MTSS1: variants seen among roughly 807,000 people sequenced by gnomAD.
MTSS1 encodes MTSS I-BAR domain containing 1, also known as protein MTSS 1.
In MTSS1, 18 loss-of-function variants were observed where a neutral mutation model predicts 79.0. The ratio of observed to expected loss-of-function variants is 0.23; its 90% CI spans 0.16 to 0.34. The LOEUF is 0.34. Ranked by LOEUF, MTSS1 falls within the 10% of genes least tolerant of loss-of-function variation. MTSS1 has a pLI of 1.00. For missense variants in MTSS1, 815 were observed against 986.2 expected, an observed-to-expected ratio of 0.83 and a Z score of 2.33; for synonymous variants, 341 against 368.6, an observed-to-expected ratio of 0.93 and a Z score of 0.86.
intron 3 of MTSS1, among the ~76,000 whole-genome samples, chr8:124,617,301 G>C (rs1837049277): frequency 6.6e-6 from 1 of 152,182 alleles, no homozygotes; most frequent in Non-Finnish European, 1.5e-5. Context: ...ATTTCTAGGA[G>C]ATCAAGGACC....
intron 1 of MTSS1, among the ~76,000 whole-genome samples, chr8:124,718,379 T>A (rs1391877943): frequency 6.6e-6 from 1 of 152,078 alleles, no homozygotes; most frequent in Non-Finnish European, 1.5e-5. Flanking sequence ...GGTCAACTTC[T>A]GGTTGCAGGA....
intron 3 of MTSS1, among the ~76,000 whole-genome samples, chr8:124,615,285 G>C (rs538569058): frequency 6.6e-6 from 1 of 151,916 alleles, no homozygotes; most frequent in East Asian, 1.9e-4. Flanking sequence ...GAGAGCGGTG[G>C]AAAGGATTAA....
chr8:124,557,820 G>A lies in MTSS1; in HGVS notation c.1091C>T (p.Thr364Met), dbSNP rs201813014. The A allele has an allele frequency of 3.1e-5, 49 of 1,604,322 alleles. 1 individual carries two copies. The East Asian group carries it at 6.1e-4, about 20-fold the overall frequency. ...GCAATGAGGGAAAAGGCCTGCACCC[G>A]TGGGCCCCACGTGGGACTCACTTGA... ...SLSSESHVGP[T>M]GAGLFPHCLP... Residue 364 changes from threonine (T) to methionine (M), a missense_variant, in exon 11 of 14, where the codon ACG becomes ATG. Transcript: ENST00000518547.
intron 10 of MTSS1, 197 bp from the exon 11 acceptor site, chr8:124,558,072 G>A: frequency 1.9e-6 from 1 of 537,812 alleles, no homozygotes; most frequent in Non-Finnish European, 3.3e-6. Context: ...GAATGCACAT[G>A]AGTTTGACAG....
At chr8:124,568,570 G>A (rs1182220523) in intron 6 of MTSS1, 34 bp from the exon 7 acceptor site, 1 of 1,613,838 alleles carries the variant, frequency 6.2e-7, no homozygotes, top group Non-Finnish European at 8.5e-7. Flanking sequence ...ACGGCTTGCT[G>A]AAATACCAGC....
At chr8:124,687,040 A>G (rs951893348) in intron 3 of MTSS1, among the ~76,000 whole-genome samples, 1 of 152,158 alleles carries the variant, frequency 6.6e-6, no homozygotes, top group Non-Finnish European at 1.5e-5. Flanking sequence ...GAGAACCCCA[A>G]CAGCAGAGGA....
At chr8:124,694,429 A>G (rs1303838599) in intron 3 of MTSS1, among the ~76,000 whole-genome samples, 1 of 151,974 alleles carries the variant, frequency 6.6e-6, no homozygotes, top group Non-Finnish European at 1.5e-5. Flanking sequence ...TCAGATTCTC[A>G]GAAGGAAGGA....
At chr8:124,680,896 G>A (rs1826023642) in intron 3 of MTSS1, among the ~76,000 whole-genome samples, 2 of 152,126 alleles carry the variant, frequency 1.3e-5, no homozygotes, top group African/African-American at 4.8e-5. Context: ...CTACTCCTAG[G>A]GGAGGATGGT....
intron 9 of MTSS1, among the ~76,000 whole-genome samples, chr8:124,565,341 T>C (rs1350108345): frequency 6.6e-6 from 1 of 152,222 alleles, no homozygotes; most frequent in Non-Finnish European, 1.5e-5. Context: ...TCACCATTTT[T>C]TAGGCCTTAG....
rs2135937822 is a variant in MTSS1 at position 124,728,064 on chromosome 8, C to G, written c.-109G>C. On this transcript the variant is annotated 5_prime_UTR_variant, in exon 1 of 14. Coordinates refer to ENST00000518547, the MANE Select transcript of MTSS1 (RefSeq NM_014751.6). The surrounding 1 kb of genome is among the most constrained non-coding windows in gnomAD (Gnocchi z 6.1). ...ATTTCACCTTCCGAGAGACCCACCT[C>G]GGACTCGCAGCCTCTTCTGCAGCGA... 5.6e-6 allele frequency: 5 copies of G among 890,064 alleles called. No individual in the cohort carries two copies. In the South Asian group the frequency reaches 8.2e-5, roughly 15 times the overall value. 55.1% of individuals were successfully genotyped at this position (890,064 alleles called of 1,614,324 possible). A position where few individuals can be genotyped will look rare whatever the true frequency, so the allele number is the denominator to read the frequency against.
chr8:124,586,506 G>A (rs1830875518), intron 5 of MTSS1, among the ~76,000 whole-genome samples: 1 of 152,124 alleles, frequency 6.6e-6, no homozygotes, highest in Admixed American at 6.5e-5. Flanking sequence ...AACATCCTGT[G>A]CTCTGCCCTA....
chr8:124,724,706 C>T (rs951130338), intron 1 of MTSS1, among the ~76,000 whole-genome samples: 3 of 152,124 alleles, frequency 2.0e-5, no homozygotes, highest in South Asian at 2.1e-4. Context: ...TCACCAAAAT[C>T]GATGCCGGTT....
At chr8:124,558,887 A>G (rs530475791) in intron 10 of MTSS1, 1 of 1,491,160 alleles carries the variant, frequency 6.7e-7, no homozygotes, top group African/African-American at 1.4e-5. Flanking sequence ...GCCACACACC[A>G]CCAAAATATA....
At chr8:124,558,664 G>A in intron 10 of MTSS1, 1 of 1,483,620 alleles carries the variant, frequency 6.7e-7, no homozygotes, top group Non-Finnish European at 9.0e-7. Context: ...GCAGCAGGCA[G>A]GGGGACCAGG....
intron 6 of MTSS1, among the ~76,000 whole-genome samples, chr8:124,571,360 G>A (rs1212376366): frequency 3.3e-5 from 5 of 152,168 alleles, no homozygotes; most frequent in Admixed American, 2.0e-4. Flanking sequence ...TGTATGATAC[G>A]AGTCCACCAG....
At chr8:124,639,036 T>C (rs1344754135) in intron 3 of MTSS1, among the ~76,000 whole-genome samples, 1 of 152,144 alleles carries the variant, frequency 6.6e-6, no homozygotes, top group Non-Finnish European at 1.5e-5. Flanking sequence ...GGGGCTAAAT[T>C]AAAAAGGTAT....
At chr8:124,576,042 A>C (rs930274044) in intron 6 of MTSS1, among the ~76,000 whole-genome samples, 1 of 152,192 alleles carries the variant, frequency 6.6e-6, no homozygotes, top group Non-Finnish European at 1.5e-5. Context: ...TCACCTAGAC[A>C]ACAACCACCA....
intron 7 of MTSS1, chr8:124,567,589 C>A (rs1826787564): frequency 1.5e-6 from 2 of 1,374,828 alleles, no homozygotes; most frequent in Non-Finnish European, 1.9e-6. Flanking sequence ...ATCTTTGTGA[C>A]AGTGCCTGTG....
chr8:124,621,239 T>A (rs1266587198), intron 3 of MTSS1, among the ~76,000 whole-genome samples: 1 of 152,238 alleles, frequency 6.6e-6, no homozygotes, highest in Non-Finnish European at 1.5e-5. Context: ...GGTGATTAGT[T>A]TTCAACATGA....
Sources: allele counts gnomAD v4.1 joint callset (sites outside exome capture counted in the v4.1 genomes callset), GRCh38; gene constraint gnomAD v4.1.1; non-coding constraint Gnocchi (gnomAD v3.1); transcripts MANE v1.5; gene names NCBI Gene and HGNC (gene_info 2026-07-23, HGNC 2026-07-21).